The following LSM2 variants were observed in gnomAD, a reference collection of about 807,000 sequenced individuals.
The protein encoded by LSM2 is LSM2 homolog, U6 small nuclear RNA and mRNA degradation associated.
A neutral mutation model predicts 17.0 loss-of-function variants in LSM2; 12 were observed. The observed-to-expected ratio is 0.70, with a 90% CI of 0.45 to 1.14. LSM2 has a LOEUF of 1.14. LSM2 is among the 50% of genes most tolerant of loss of function. The pLI is 0.00. For synonymous variants in LSM2, 42 were observed against 44.5 expected (o/e 0.94, Z 0.22); for missense variants, 62 against 111.8 (o/e 0.55, Z 2.01).
chr6:31,804,690 G>A (rs1442742874), intron 2 of LSM2, among the ~76,000 whole-genome samples: 1 of 151,358 alleles, frequency 6.6e-6, no homozygotes, highest in Non-Finnish European at 1.5e-5. Flanking sequence ...TGATCCACCC[G>A]CCTCAGCCTC....
chr6:31,803,582 A>AC (rs1314091418), intron 2 of LSM2, among the ~76,000 whole-genome samples: 8 of 149,200 alleles, frequency 5.4e-5, no homozygotes, highest in African/African-American at 2.0e-4. Flanking sequence ...TTTTAAATGT[A>AC]CTTTTTTTTT....
intron 2 of LSM2, among the ~76,000 whole-genome samples, chr6:31,804,474 C>T (rs552622888): frequency 7.2e-5 from 11 of 152,162 alleles, no homozygotes; most frequent in South Asian, 4.1e-4. Flanking sequence ...TCAGTTTCCT[C>T]GTGTAAAACA....
rs760409284 is a variant in LSM2 at position 31,798,058 on chromosome 6, G to A, written c.103-9C>T. 8 of 1,580,870 alleles carry A rather than the reference G, an allele frequency of 5.1e-6. No individual in the cohort carries two copies. The highest frequency in any genetic ancestry group is 2.0e-5 in the Admixed American group (1 of 50,806). The stretch of plus-strand genomic sequence containing the variant: ...AGTTTGATGTTGAGATACTAGGAAA[G>A]GAAGATGAACACCATTATTATTATT... On this transcript the variant is annotated splice_polypyrimidine_tract_variant and intron_variant, in intron 3 of 4. Coordinates refer to ENST00000375661, the MANE Select transcript of LSM2 (RefSeq NM_021177.5).
chr6:31,798,057 AG>A lies in LSM2; in HGVS notation c.103-9del, dbSNP rs1276434420. ...TAGTTTGATGTTGAGATACTAGGAA[AG>A]GAAGATGAACACCATTATTATTATT... is the stretch of plus-strand genomic sequence containing the variant. On this transcript the variant is annotated splice_polypyrimidine_tract_variant and intron_variant, in intron 3 of 4. Coordinates refer to ENST00000375661, the MANE Select transcript of LSM2 (RefSeq NM_021177.5). The A allele has an allele frequency of 6.3e-7, 1 of 1,581,294 alleles. No individual in the cohort carries two copies. Among genetic ancestry groups the A allele is most frequent in the African/African-American group, 1.4e-5 (1 of 72,714 alleles).
At chr6:31,806,035 C>T in intron 2 of LSM2, 40 bp downstream of exon 2, 1 of 1,586,082 alleles carries the variant, frequency 6.3e-7, no homozygotes, top group East Asian at 2.2e-5. Context: ...GGGCCCTGGG[C>T]ACACCCACCC....
In LSM2 at chr6:31,806,862, CCGCGCAGG is replaced by C. The variant is rs1815076844; in HGVS notation, c.-113_-106del. On this transcript the variant is annotated 5_prime_UTR_variant, in exon 1 of 5. Transcript: ENST00000375661. The stretch of plus-strand genomic sequence containing the variant: ...AGCCCGCGCGTGGGGCGAGGCGGGA[CCGCGCAGG>C]CGCAGCGGGAAGCGACGCAGAAAGC... The C allele has an allele frequency of 7.1e-7, 1 of 1,413,830 alleles. No individual in the cohort carries two copies. Among genetic ancestry groups the C allele is most frequent in the Middle Eastern group, 2.2e-4 (1 of 4,456 alleles). The allele number at this position is 1,413,830 out of a possible 1,614,324, so 87.6% of individuals were successfully genotyped here.
At chr6:31,804,467 G>C (rs1235574179) in intron 2 of LSM2, among the ~76,000 whole-genome samples, 1 of 152,164 alleles carries the variant, frequency 6.6e-6, no homozygotes, top group Non-Finnish European at 1.5e-5. Context: ...CTAAGCCTCA[G>C]TTTCCTCGTG....
chr6:31,805,744 T>C lies in LSM2; in HGVS notation c.71+331A>G, dbSNP rs184004642. On this transcript the variant is annotated intron_variant, in intron 2 of 4. Transcript: ENST00000375661. ...GTTTTCCAATACACGATACAATCTCTAAGCTTATCTGTAAATTTAAGGCAC... is the reference window on the plus strand; with the variant it reads ...GTTTTCCAATACACGATACAATCTCCAAGCTTATCTGTAAATTTAAGGCAC... Among the ~76,000 whole-genome samples, 470 of 152,356 alleles carry C rather than the reference T, an allele frequency of 3.1e-3. 1 individual carries two copies. The highest frequency in any genetic ancestry group is 0.017 in the Middle Eastern group (5 of 294).
At chr6:31,804,001 T>C (rs147092028) in intron 2 of LSM2, among the ~76,000 whole-genome samples, 30 of 152,246 alleles carry the variant, frequency 2.0e-4, no homozygotes, top group African/African-American at 6.7e-4. Context: ...CTCAAAGAAT[T>C]TGAAACCAGC....
intron 2 of LSM2, among the ~76,000 whole-genome samples, chr6:31,799,763 T>C (rs192297805): frequency 1.7e-3 from 262 of 151,536 alleles, no homozygotes; most frequent in African/African-American, 5.6e-3. Context: ...TGGATAAAGG[T>C]AGGTAGCATT....
chr6:31,801,730 A>C (rs1369036129), intron 2 of LSM2, among the ~76,000 whole-genome samples: 1 of 152,196 alleles, frequency 6.6e-6, no homozygotes, highest in Non-Finnish European at 1.5e-5. Flanking sequence ...CAGGAGGCAG[A>C]GGTTGCAGTG....
rs375253870 is a variant in LSM2, at chr6:31,797,891, A to G, written c.163-9T>C. ...CAGTTCTTCACTGATAACTAGACAA[A>G]GATGGACAAATATGAAAACACCCTT... On this transcript the variant is annotated splice_polypyrimidine_tract_variant and intron_variant, in intron 4 of 4. Transcript: ENST00000375661. 1.2e-6 allele frequency: 2 copies of G among 1,612,984 alleles called. No individual in the cohort carries two copies. The highest frequency in any genetic ancestry group is 2.7e-5 in the African/African-American group (2 of 75,034).
At chr6:31,802,438 T>C (rs1814769528) in intron 2 of LSM2, among the ~76,000 whole-genome samples, 2 of 148,928 alleles carry the variant, frequency 1.3e-5, no homozygotes, top group Non-Finnish European at 3.0e-5. Flanking sequence ...CTACTAAAAA[T>C]ACAAAAATTA....
intron 2 of LSM2, among the ~76,000 whole-genome samples, chr6:31,802,591 T>TA (rs371661392): frequency 1.4e-5 from 2 of 143,704 alleles, no homozygotes; most frequent in Admixed American, 7.1e-5. Context: ...CTCGTCTCAA[T>TA]AAAAAAAAGA....
At chr6:31,799,401 G>A (rs1359404577) in intron 2 of LSM2, among the ~76,000 whole-genome samples, 1 of 152,034 alleles carries the variant, frequency 6.6e-6, no homozygotes, top group Non-Finnish European at 1.5e-5. Flanking sequence ...CTGTCGGCCA[G>A]TCTGGAGTGC....
chr6:31,801,146 C>G (rs933690652), intron 2 of LSM2, among the ~76,000 whole-genome samples: 1 of 121,852 alleles, frequency 8.2e-6, no homozygotes, highest in East Asian at 2.5e-4. Context: ...ATTCCAGCCT[C>G]GGTGACAGAG....
rs1356719803 is a variant in LSM2 at position 31,806,839 on chromosome 6, CCCGCGCGTGGGGCGAGGCGGGA to C, written c.-104_-83del. The C allele has an allele frequency of 4.6e-6, 7 of 1,506,170 alleles. No homozygotes were observed. The East Asian group carries it at 1.4e-4, about 31-fold the overall frequency. 93.3% of individuals were successfully genotyped at this position (1,506,170 alleles called of 1,614,324 possible). ...AGGTCTGGGGAAACCGAAGCGCGAG[CCCGCGCGTGGGGCGAGGCGGGA>C]CCGCGCAGGCGCAGCGGGAAGCGAC... is the stretch of plus-strand genomic sequence containing the variant. On this transcript the variant is annotated 5_prime_UTR_variant, in exon 1 of 5. Transcript: ENST00000375661.
intron 2 of LSM2, among the ~76,000 whole-genome samples, chr6:31,804,309 G>A (rs1467598079): frequency 2.0e-5 from 3 of 149,888 alleles, no homozygotes; most frequent in South Asian, 2.1e-4. Context: ...GCAGTGAGCC[G>A]AGATTACGCC....
At chr6:31,800,496 T>C (rs988676136) in intron 2 of LSM2, among the ~76,000 whole-genome samples, 2 of 152,120 alleles carry the variant, frequency 1.3e-5, no homozygotes, top group African/African-American at 4.8e-5. Context: ...CTCATGCCTA[T>C]AATCCCAGAA....
Sources: gnomAD v4.1 joint callset for allele counts (sites outside exome capture counted in the v4.1 genomes callset) on GRCh38, gnomAD v4.1.1 for gene constraint, MANE v1.5 for transcripts, NCBI Gene and HGNC (gene_info 2026-07-23, HGNC 2026-07-21) for gene names.